SLC44A1: variants seen among roughly 807,000 people sequenced by gnomAD.
SLC44A1 encodes the protein choline transporter-like protein 1.
In SLC44A1, 26 loss-of-function variants were observed where a neutral mutation model predicts 79.3. That is an observed-to-expected ratio of 0.33 (90% CI 0.24 to 0.46). The LOEUF is 0.46. Ranked by LOEUF, SLC44A1 falls within the 20% of genes least tolerant of loss-of-function variation. The pLI is 1.00. For synonymous variants in SLC44A1, 263 were observed against 286.2 expected (o/e 0.92, Z 0.82); for missense variants, 688 against 798.1 (o/e 0.86, Z 1.66).
At chr9:105,409,804 G>A (rs1279361835) in intron 15 of SLC44A1, among the ~76,000 whole-genome samples, 1 of 152,136 alleles carries the variant, frequency 6.6e-6, no homozygotes, top group African/African-American at 2.4e-5. Flanking sequence ...AAAATGGATA[G>A]AATAACTAGA....
chr9:105,365,396 T>TC, intron 10 of SLC44A1, 87 bp from the exon 11 acceptor site: 1 of 987,952 alleles, frequency 1.0e-6, no homozygotes, highest in South Asian at 1.7e-5. Context: ...ATTTTTTTTT[T>TC]CACTGCGTTG....
intron 4 of SLC44A1, among the ~76,000 whole-genome samples, chr9:105,337,778 C>T (rs746367387): frequency 6.6e-6 from 1 of 152,094 alleles, no homozygotes; most frequent in Non-Finnish European, 1.5e-5. Flanking sequence ...TCCTTATTGG[C>T]GGTGTGGCCT....
At chr9:105,315,050 C>T (rs1195222294) in intron 3 of SLC44A1, among the ~76,000 whole-genome samples, 1 of 152,150 alleles carries the variant, frequency 6.6e-6, no homozygotes, top group Admixed American at 6.5e-5. Context: ...CAGTTTCCCA[C>T]CTTTTTTGCT....
chr9:105,425,399 T>A (rs7038370), intron 15 of SLC44A1, among the ~76,000 whole-genome samples: 155 of 152,284 alleles, frequency 1.0e-3, no homozygotes, highest in African/African-American at 3.5e-3. Context: ...AACAAAATAC[T>A]ATGAGAGAAA....
chr9:105,361,556 G>A (rs1341157810), intron 8 of SLC44A1, among the ~76,000 whole-genome samples: 1 of 152,162 alleles, frequency 6.6e-6, no homozygotes, highest in Admixed American at 6.5e-5. Context: ...CTTTTTGAGA[G>A]AGGATTTTCA....
At chr9:105,428,741 G>A (rs754358606) in intron 15 of SLC44A1, among the ~76,000 whole-genome samples, 3 of 152,000 alleles carry the variant, frequency 2.0e-5, no homozygotes, top group Non-Finnish European at 4.4e-5. Flanking sequence ...TTCCCATTGC[G>A]CAGGCTGGAG....
In SLC44A1 at chr9:105,390,011, G is replaced by A; in HGVS notation, c.*955G>A. On this transcript the variant is annotated 3_prime_UTR_variant, in exon 16 of 16. Coordinates refer to ENST00000374720, the MANE Select transcript of SLC44A1 (RefSeq NM_080546.5). Reference sequence around the variant, plus strand: ...TTCAGAGTAACGTCAGTGGCTTAGGGTTAAACGGCCATTTTATTCAAATGC... The same window carrying A: ...TTCAGAGTAACGTCAGTGGCTTAGGATTAAACGGCCATTTTATTCAAATGC... 1.4e-6 allele frequency: 2 copies of A among 1,386,358 alleles called. No individual in the cohort carries two copies. Among genetic ancestry groups the A allele is most frequent in the Non-Finnish European group, 9.4e-7 (1 of 1,067,388 alleles). 85.9% of individuals were successfully genotyped at this position (1,386,358 alleles called of 1,614,324 possible).
intron 1 of SLC44A1, among the ~76,000 whole-genome samples, chr9:105,284,472 T>G (rs1391120643): frequency 6.6e-6 from 1 of 152,174 alleles, no homozygotes; most frequent in Non-Finnish European, 1.5e-5. Flanking sequence ...TCAGATCTAT[T>G]TTATGTTATA....
chr9:105,362,071 C>CGT (rs1303418128), intron 8 of SLC44A1, among the ~76,000 whole-genome samples: 1 of 151,294 alleles, frequency 6.6e-6, no homozygotes, highest in Non-Finnish European at 1.5e-5. Flanking sequence ...TGCGCGCGCG[C>CGT]GCGTGTGTGT....
intron 13 of SLC44A1, among the ~76,000 whole-genome samples, chr9:105,380,007 AAG>A (rs1271603773): frequency 6.6e-6 from 1 of 152,204 alleles, no homozygotes; most frequent in Non-Finnish European, 1.5e-5. Context: ...TCTCTAGAGA[AAG>A]AGCATCATAA....
chr9:105,325,947 A>T (rs1271507110), intron 3 of SLC44A1, among the ~76,000 whole-genome samples: 1 of 152,180 alleles, frequency 6.6e-6, no homozygotes, highest in Admixed American at 6.5e-5. Context: ...CTAAAAAGAA[A>T]ATGAAATTTC....
At chr9:105,387,052 A>AC (rs1420631281) in intron 15 of SLC44A1, among the ~76,000 whole-genome samples, 1 of 1,270 alleles carries the variant, frequency 7.9e-4, no homozygotes, top group Non-Finnish European at 3.0e-3. Context: ...AAAAAAAAAA[A>AC]AAAAAAAAAT....
In SLC44A1 at chr9:105,392,343, T is replaced by A; in HGVS notation, c.*3287T>A. 1 of 985,030 alleles carries A rather than the reference T, an allele frequency of 1.0e-6. No individual in the cohort carries two copies. The highest frequency in any genetic ancestry group is 1.2e-6 in the Non-Finnish European group (1 of 829,738). The allele number at this position is 985,030 out of a possible 1,614,324, so 61.0% of individuals were successfully genotyped here. ...GTTAAGGAGGAGGCACTTACTGAGT[T>A]TATTTTAAAGTTATGCTAGAAATGT... On this transcript the variant is annotated 3_prime_UTR_variant, in exon 16 of 16. Coordinates refer to ENST00000374720, the MANE Select transcript of SLC44A1 (RefSeq NM_080546.5).
intron 15 of SLC44A1, chr9:105,386,540 C>A: frequency 4.3e-6 from 2 of 461,256 alleles, no homozygotes; most frequent in Non-Finnish European, 5.7e-6. Context: ...AGGCTTTCAA[C>A]ACAAATTCGT....
chr9:105,317,147 AG>A (rs1467484612), intron 3 of SLC44A1, among the ~76,000 whole-genome samples: 2 of 152,000 alleles, frequency 1.3e-5, no homozygotes, highest in East Asian at 3.9e-4. Flanking sequence ...CAGCTTCTGG[AG>A]GTAACATATA....
chr9:105,417,854 A>C (rs1160554967), intron 15 of SLC44A1, among the ~76,000 whole-genome samples: 6 of 151,636 alleles, frequency 4.0e-5, no homozygotes, highest in Non-Finnish European at 7.4e-5. Context: ...AAAAAAAAAA[A>C]AAAAACAATT....
At chr9:105,321,829 A>C (rs111328639) in intron 3 of SLC44A1, among the ~76,000 whole-genome samples, 16 of 137,590 alleles carry the variant, frequency 1.2e-4, no homozygotes, top group African/African-American at 5.7e-4. Flanking sequence ...AAAAAAAACA[A>C]GAGAGATATA....
chr9:105,306,265 T>C (rs948380014), intron 2 of SLC44A1, among the ~76,000 whole-genome samples: 4 of 152,210 alleles, frequency 2.6e-5, no homozygotes, highest in African/African-American at 9.6e-5. Context: ...AATGTGATTT[T>C]TCCTTCTGTT....
Position 105,325,975 on chromosome 9 carries a change from C to G in SLC44A1, c.270-9588C>G, listed in dbSNP as rs528584032. Among the ~76,000 whole-genome samples, 7 of 149,770 alleles carry G rather than the reference C, an allele frequency of 4.7e-5. No individual in the cohort carries two copies. The East Asian group carries it at 1.3e-3, about 29-fold the overall frequency. The stretch of plus-strand genomic sequence containing the variant: ...GAAATTTCTGGCCATTGGCCCATGA[C>G]ACATATTATTTCTCAGTATGAGTGC... On this transcript the variant is annotated intron_variant, in intron 3 of 15. Transcript: ENST00000374720.
Sources: gnomAD v4.1 joint callset for allele counts (sites outside exome capture counted in the v4.1 genomes callset) on GRCh38, gnomAD v4.1.1 for gene constraint, MANE v1.5 for transcripts, NCBI Gene and HGNC (gene_info 2026-07-23, HGNC 2026-07-21) for gene names.